The following KNDC1 variants were observed in gnomAD, a reference collection of about 807,000 sequenced individuals.
KNDC1 encodes the protein kinase non-catalytic C-lobe domain-containing protein 1.
Under a neutral mutation model 172.8 loss-of-function variants are expected in KNDC1, and 106 were observed. That is an observed-to-expected ratio of 0.61 (90% CI 0.52 to 0.72). KNDC1 has a LOEUF of 0.72. KNDC1 is among the 30% of genes least tolerant of loss of function. The probability of loss-of-function intolerance (pLI) is 0.00; values close to 1 mark genes in which losing one functional copy is unlikely to be tolerated. For synonymous variants in KNDC1, 1,083 were observed against 1,062.2 expected (o/e 1.02, Z -0.38); for missense variants, 2,325 against 2,394.5 (o/e 0.97, Z 0.61).
In KNDC1 at chr10:133,201,533, A is replaced by G. The variant is rs758586596; in HGVS notation, c.3022A>G (p.Ser1008Gly). 8 of 1,609,470 alleles carry G rather than the reference A, an allele frequency of 5.0e-6. No individual in the cohort carries two copies. The highest frequency in any genetic ancestry group is 6.8e-6 in the Non-Finnish European group (8 of 1,178,920). Residue 1008 changes from serine (S) to glycine (G), a missense_variant, in exon 17 of 30, where the codon AGC becomes GGC. Physicochemically the swap from Ser to Gly is moderately conservative, Grantham distance 56. Coordinates refer to ENST00000304613, the MANE Select transcript of KNDC1 (RefSeq NM_152643.8). ...GAAGCCAGCCATGGCCAGGACCAGCAGCAGGGCCCCCTGCTCACCCACCTC... is the reference window on the plus strand; with the variant it reads ...GAAGCCAGCCATGGCCAGGACCAGCGGCAGGGCCCCCTGCTCACCCACCTC... ...KEKPAMARTS[S>G]RAPCSPTSVS...
chr10:133,167,666 A>G (rs1853218086), intron 2 of KNDC1, 87 bp downstream of exon 2: 7 of 1,386,270 alleles, frequency 5.0e-6, no homozygotes, highest in Non-Finnish European at 6.9e-6. Context: ...GCTCTGCCGG[A>G]GCAGATGCTG....
At chr10:133,201,007 G>A (rs542508810) in intron 16 of KNDC1, among the ~76,000 whole-genome samples, 4 of 152,324 alleles carry the variant, frequency 2.6e-5, no homozygotes, top group African/African-American at 7.2e-5. Context: ...GCTTGGTGAC[G>A]GGCCCAGTTC....
chr10:133,167,610 C>T (rs1554909345), intron 2 of KNDC1, 31 bp downstream of exon 2: 11 of 1,545,342 alleles, frequency 7.1e-6, no homozygotes, highest in Admixed American at 5.8e-5. Context: ...GCGGCGGCGG[C>T]GGGCACGCGG....
chr10:133,176,404 G>T (rs1351365858), intron 3 of KNDC1, among the ~76,000 whole-genome samples: 1 of 152,080 alleles, frequency 6.6e-6, no homozygotes, highest in Non-Finnish European at 1.5e-5. Flanking sequence ...GTGGTATGGA[G>T]ATAAGTTCTA....
chr10:133,183,308 A>G, intron 3 of KNDC1, 36 bp from the exon 4 acceptor site: 1 of 1,558,912 alleles, frequency 6.4e-7, no homozygotes. Context: ...GCGCACACGC[A>G]GAGACTCTGG....
chr10:133,178,120 T>C lies in KNDC1; in HGVS notation c.361-5224T>C, dbSNP rs185138696. ...CAGTGTGTAGCGTGCATGTGTGTGGTGTGTGTGCATGCATGTAGTCTATGT... is the reference window on the plus strand; with the variant it reads ...CAGTGTGTAGCGTGCATGTGTGTGGCGTGTGTGCATGCATGTAGTCTATGT... On this transcript the variant is annotated intron_variant, in intron 3 of 29. Transcript: ENST00000304613. Among the ~76,000 whole-genome samples, 578 of 151,390 alleles carry C rather than the reference T, an allele frequency of 3.8e-3. 3 individuals carry two copies. Among genetic ancestry groups the C allele is most frequent in the African/African-American group, 0.011 (454 of 41,198 alleles).
intron 5 of KNDC1, among the ~76,000 whole-genome samples, chr10:133,184,807 T>C (rs917290622): frequency 1.3e-5 from 2 of 152,222 alleles, no homozygotes; most frequent in Admixed American, 6.5e-5. Flanking sequence ...CGGTGTGGCA[T>C]TGGTGCCAGG....
At chr10:133,165,000 G>A (rs1268237532) in intron 1 of KNDC1, among the ~76,000 whole-genome samples, 1 of 152,222 alleles carries the variant, frequency 6.6e-6, no homozygotes, top group South Asian at 2.1e-4. Context: ...GGTGGAGGCT[G>A]CAGGTCCCAG....
At chr10:133,161,694 C>T (rs1292205892) in intron 1 of KNDC1, among the ~76,000 whole-genome samples, 1 of 152,132 alleles carries the variant, frequency 6.6e-6, no homozygotes, top group Non-Finnish European at 1.5e-5. Flanking sequence ...GAGGAGCAGC[C>T]AGGGGAGGCA....
intron 3 of KNDC1, among the ~76,000 whole-genome samples, chr10:133,170,364 G>A (rs1028796366): frequency 6.6e-6 from 1 of 151,650 alleles, no homozygotes; most frequent in East Asian, 1.9e-4. Flanking sequence ...GGGATCTGGG[G>A]TCTGGCCTGG....
chr10:133,182,213 G>C (rs959668197), intron 3 of KNDC1, among the ~76,000 whole-genome samples: 3 of 151,984 alleles, frequency 2.0e-5, no homozygotes, highest in Non-Finnish European at 4.4e-5. Context: ...TGGACCTCAC[G>C]ACGGACTGGG....
chr10:133,177,589 G>A (rs374035104), intron 3 of KNDC1, among the ~76,000 whole-genome samples: 43 of 151,774 alleles, frequency 2.8e-4, no homozygotes, highest in African/African-American at 7.5e-4. Flanking sequence ...TGTGTGTATC[G>A]GGCACATGTG....
At chr10:133,203,654 G>A (rs985637645) in intron 17 of KNDC1, among the ~76,000 whole-genome samples, 1 of 152,198 alleles carries the variant, frequency 6.6e-6, no homozygotes, top group South Asian at 2.1e-4. Context: ...GTCTCCTGCT[G>A]TTAAAACAAG....
intron 1 of KNDC1, among the ~76,000 whole-genome samples, chr10:133,165,335 G>A (rs1853114765): frequency 6.6e-6 from 1 of 152,358 alleles, no homozygotes; most frequent in East Asian, 1.9e-4. Context: ...CTGAGCAGGA[G>A]GGCGTGCTGT....
intron 17 of KNDC1, among the ~76,000 whole-genome samples, chr10:133,205,950 C>T (rs1006029596): frequency 1.1e-4 from 16 of 152,288 alleles, no homozygotes; most frequent in South Asian, 2.1e-4. Context: ...CCTGTAATCC[C>T]GGCACTCTGG....
Position 133,219,604 on chromosome 10 carries a change from A to G in KNDC1, c.4861-351A>G, listed in dbSNP as rs549875692. Reference sequence around the variant, plus strand: ...GCATGTCTTTGCTGGACACGCAGACACGGGGCCCTGCTCTGGTCAGCCGGG... The same window carrying G: ...GCATGTCTTTGCTGGACACGCAGACGCGGGGCCCTGCTCTGGTCAGCCGGG... On this transcript the variant is annotated intron_variant, in intron 28 of 29. Coordinates refer to ENST00000304613, the MANE Select transcript of KNDC1 (RefSeq NM_152643.8). 7.2e-5 allele frequency among the ~76,000 whole-genome samples: 11 copies of G among 152,292 alleles called. No homozygotes were observed. The East Asian group carries it at 2.1e-3, about 29-fold the overall frequency.
Position 133,183,365 on chromosome 10 carries a change from G to A in KNDC1, c.382G>A (p.Ala128Thr), listed in dbSNP as rs11101618. The change falls in exon 4 of 30, where the codon GCC becomes ACC. Residue 128 changes from alanine (A) to threonine (T), a missense_variant. Ala to Thr is a moderately conservative substitution (Grantham distance 58). Coordinates refer to ENST00000304613, the MANE Select transcript of KNDC1 (RefSeq NM_152643.8). ...TFEAHIYSLGATLKAALEYVA... is the reference protein window; with the variant it reads ...TFEAHIYSLGTTLKAALEYVA... ...ACAGGCGCACATCTACTCTCTGGGG[G>A]CCACGCTGAAGGCCGCCCTCGAGTA... 4 of 1,596,612 alleles carry A rather than the reference G, an allele frequency of 2.5e-6. No individual in the cohort carries two copies. The highest frequency in any genetic ancestry group is 3.4e-6 in the Non-Finnish European group (4 of 1,173,260).
chr10:133,176,424 C>G (rs927816493), intron 3 of KNDC1, among the ~76,000 whole-genome samples: 10 of 152,100 alleles, frequency 6.6e-5, no homozygotes, highest in African/African-American at 2.4e-4. Context: ...ATTCTCAAGG[C>G]TGTGGGAATC....
chr10:133,200,490 G>C, intron 16 of KNDC1, 30 bp downstream of exon 16: 1 of 1,462,098 alleles, frequency 6.8e-7, no homozygotes, highest in Non-Finnish European at 9.1e-7. Context: ...CGCGGCAGGA[G>C]CTCTGCTGGG....
Sources: gnomAD v4.1 joint callset for allele counts (sites outside exome capture counted in the v4.1 genomes callset) on GRCh38, gnomAD v4.1.1 for gene constraint, MANE v1.5 for transcripts, NCBI Gene and HGNC (gene_info 2026-07-23, HGNC 2026-07-21) for gene names.